The following RGS5 variants were observed in gnomAD, a reference collection of about 807,000 sequenced individuals.
RGS5 encodes regulator of G protein signaling 5, also known as regulator of G-protein signalling 5.
Under a neutral mutation model 18.9 loss-of-function variants are expected in RGS5, and 20 were observed. The ratio of observed to expected loss-of-function variants is 1.06; its 90% CI spans 0.74 to 1.54. The LOEUF is 1.54. Ranked by LOEUF, RGS5 falls within the 40% of genes most tolerant of loss-of-function variation. The pLI, the probability that RGS5 is intolerant of heterozygous loss-of-function variation, is 0.00. For missense variants in RGS5, 201 were observed against 211.8 expected (o/e 0.95, Z 0.32); for synonymous variants, 57 against 76.2 (o/e 0.75, Z 1.31).
At chr1:163,206,493 A>G (rs1200370971), upstream of RGS5, among the ~76,000 whole-genome samples, 6 of 152,096 alleles carry the variant, frequency 3.9e-5, no homozygotes, top group African/African-American at 1.4e-4. Flanking sequence ...TAATGTCCTC[A>G]TATACATATG....
chr1:163,313,969 C>T (rs1649942368), intron 1 of RGS5, among the ~76,000 whole-genome samples: 1 of 150,694 alleles, frequency 6.6e-6, no homozygotes, highest in African/African-American at 2.4e-5. Flanking sequence ...GCTAGTTGTT[C>T]CAGTTTTCTT....
intron 4 of RGS5, 126 bp from the exon 5 acceptor site, chr1:163,147,629 C>T: frequency 1.2e-6 from 1 of 852,258 alleles, no homozygotes; most frequent in South Asian, 2.6e-5. Context: ...AAAACTGAGA[C>T]ATGTCACTTC....
intron 2 of RGS5, among the ~76,000 whole-genome samples, chr1:163,283,723 G>T (rs569877701): frequency 6.6e-6 from 1 of 152,160 alleles, no homozygotes; most frequent in Non-Finnish European, 1.5e-5. Flanking sequence ...GAATTAAGCT[G>T]CCATGTTGTG....
chr1:163,202,023 C>G (rs1383211764), intron 1 of RGS5, among the ~76,000 whole-genome samples: 1 of 152,126 alleles, frequency 6.6e-6, no homozygotes, highest in Non-Finnish European at 1.5e-5. Context: ...AGGATTCTCT[C>G]CAGAATATTG....
chr1:163,289,087 A>T (rs1649215409), intron 2 of RGS5, among the ~76,000 whole-genome samples: 1 of 152,132 alleles, frequency 6.6e-6, no homozygotes, highest in Non-Finnish European at 1.5e-5. Flanking sequence ...AAATAAATTC[A>T]CATTTATATT....
chr1:163,147,160 C>T lies in RGS5; in HGVS notation c.*182G>A, dbSNP rs892554817. On this transcript the variant is annotated 3_prime_UTR_variant, in exon 5 of 5. Transcript: ENST00000313961. ...GAATTGAGTGGGGAAAGAAGGCCTT[C>T]GGACAGTAGATAAGTATCCAAAGCA... is the stretch of plus-strand genomic sequence containing the variant. The T allele has an allele frequency of 2.8e-5, 13 of 471,950 alleles. No individual in the cohort carries two copies. Among genetic ancestry groups the T allele is most frequent in the South Asian group, 5.7e-5 (1 of 17,412 alleles). 29.2% of individuals were successfully genotyped at this position (471,950 alleles called of 1,614,324 possible).
Position 163,313,875 on chromosome 1 carries a change from T to C in RGS5, c.-377-7546A>G, listed in dbSNP as rs187682656. On this transcript the variant is annotated intron_variant, in intron 1 of 5. Transcript: ENST00000618415. ...AAGCGTTTGAGATTAGGAAGCACAGTAGAGGAGCTAGGGACAGAGCTTCTA... is the reference window on the plus strand; with the variant it reads ...AAGCGTTTGAGATTAGGAAGCACAGCAGAGGAGCTAGGGACAGAGCTTCTA... Among the ~76,000 whole-genome samples the C allele has an allele frequency of 3.3e-5, 5 of 152,288 alleles. No homozygotes were observed. The East Asian group carries it at 9.6e-4, about 29-fold the overall frequency.
chr1:163,207,833 T>C (rs897582882), upstream of RGS5, among the ~76,000 whole-genome samples: 1 of 151,632 alleles, frequency 6.6e-6, no homozygotes, highest in African/African-American at 2.4e-5. Flanking sequence ...TGAAAGACAC[T>C]AAGAAAAGTG....
At chr1:163,220,152 CCAGTG>C (rs1392065161), upstream of RGS5, among the ~76,000 whole-genome samples, 3 of 152,244 alleles carry the variant, frequency 2.0e-5, no homozygotes, top group South Asian at 6.2e-4. Flanking sequence ...TTCTCTGAAA[CCAGTG>C]AAGTTGAGCT....
At chr1:163,173,392 T>C (rs1454454163) in intron 1 of RGS5, among the ~76,000 whole-genome samples, 4 of 152,198 alleles carry the variant, frequency 2.6e-5, no homozygotes, top group Admixed American at 6.5e-5. Context: ...GTTTGAATAA[T>C]TCTGGGGCTT....
At chr1:163,153,827 C>CATAT (rs1289097679) in intron 3 of RGS5, among the ~76,000 whole-genome samples, 2 of 100,712 alleles carry the variant, frequency 2.0e-5, no homozygotes, top group South Asian at 4.4e-4. Flanking sequence ...ATATATTACA[C>CATAT]ACATATATAT....
intron 1 of RGS5, among the ~76,000 whole-genome samples, chr1:163,319,623 C>T (rs1650130553): frequency 1.3e-5 from 2 of 152,092 alleles, no homozygotes; most frequent in Admixed American, 1.3e-4. Context: ...AGACAAGATG[C>T]ACGGATAAGA....
At chr1:163,190,618 T>G (rs549714773) in intron 1 of RGS5, among the ~76,000 whole-genome samples, 1 of 144,476 alleles carries the variant, frequency 6.9e-6, no homozygotes, top group South Asian at 2.3e-4. Flanking sequence ...AGTGCTCGAC[T>G]GACTAACAGT....
Position 163,166,330 on chromosome 1 carries a change from G to T in RGS5, c.155+1928C>A, listed in dbSNP as rs531124092. On this transcript the variant is annotated intron_variant, in intron 2 of 4. Transcript: ENST00000313961. The stretch of plus-strand genomic sequence containing the variant: ...ACTCAAAAATACATGTTAAAAAATA[G>T]AAAATACTTTTAAAAAAACGGATTC... Among the ~76,000 whole-genome samples the T allele has an allele frequency of 2.0e-5, 3 of 151,150 alleles. No individual in the cohort carries two copies. In the South Asian group the frequency reaches 6.3e-4, roughly 32 times the overall value.
chr1:163,178,302 A>G (rs1658654095), intron 1 of RGS5, among the ~76,000 whole-genome samples: 1 of 152,004 alleles, frequency 6.6e-6, no homozygotes, highest in African/African-American at 2.4e-5. Flanking sequence ...CAAAAGGGAG[A>G]CTCTGTCTCA....
intron 2 of RGS5, among the ~76,000 whole-genome samples, chr1:163,269,770 T>A (rs1648670055): frequency 6.6e-6 from 1 of 152,168 alleles, no homozygotes. Flanking sequence ...GTTTTTAAAC[T>A]ATTATTTGGA....
chr1:163,291,907 A>G (rs1649297448), intron 2 of RGS5, among the ~76,000 whole-genome samples: 1 of 152,162 alleles, frequency 6.6e-6, no homozygotes, highest in Non-Finnish European at 1.5e-5. Context: ...CTCTGTGGCA[A>G]TTGATTCTGT....
At chr1:163,173,632 T>C (rs1231218834) in intron 1 of RGS5, among the ~76,000 whole-genome samples, 1 of 152,254 alleles carries the variant, frequency 6.6e-6, no homozygotes, top group Non-Finnish European at 1.5e-5. Flanking sequence ...GAACCAATTA[T>C]ATATAAAATC....
At chr1:163,268,125 T>A (rs1648615127) in intron 2 of RGS5, among the ~76,000 whole-genome samples, 1 of 152,042 alleles carries the variant, frequency 6.6e-6, no homozygotes, top group Non-Finnish European at 1.5e-5. Context: ...GAAAAAAATG[T>A]GTAAATGAGA....
Sources: gnomAD v4.1 joint callset for allele counts (sites outside exome capture counted in the v4.1 genomes callset) on GRCh38, gnomAD v4.1.1 for gene constraint, MANE v1.5 for transcripts, NCBI Gene and HGNC (gene_info 2026-07-23, HGNC 2026-07-21) for gene names.